The following P2RX6 variants were observed in gnomAD, a reference collection of about 807,000 sequenced individuals.
P2RX6 encodes the protein P2X purinoceptor 6.
A neutral mutation model predicts 54.2 loss-of-function variants in P2RX6; 62 were observed. That is an observed-to-expected ratio of 1.14 (90% CI 0.93 to 1.41). The LOEUF (loss-of-function observed/expected upper bound fraction) is 1.41, where lower values mean the gene tolerates loss of function less well. P2RX6 is among the 40% of genes most tolerant of loss of function. The pLI, the probability that P2RX6 is intolerant of heterozygous loss-of-function variation, is 0.00. For missense variants in P2RX6, 541 were observed against 566.3 expected (o/e 0.96, Z 0.45); for synonymous variants, 211 against 231.9 (o/e 0.91, Z 0.82).
At chr22:21,022,634 C>T (rs1234559430) in intron 3 of P2RX6, 42 bp from the exon 4 acceptor site, 46 of 1,391,750 alleles carry the variant, frequency 3.3e-5, no homozygotes, top group Non-Finnish European at 4.4e-5. Flanking sequence ...GGAGGGGAGA[C>T]ATCCCCTGTG....
At position 21,015,276 on chromosome 22, in the gene P2RX6, G is replaced by A. The variant is rs1452343774; in HGVS notation, c.102G>A (p.Arg34=). The part of the protein sequence containing the change: ...DYKTEKYVMT[R]NWRVGALQRL... ...AGACGGAGAAGTATGTGATGACCAG[G>A]AACTGGCGGGTGGGCGCCCTGCAGA... The change falls in exon 1 of 12, where the codon AGG becomes AGA. Residue 34 remains arginine (R), a synonymous_variant. Transcript: ENST00000413302. 6.4e-7 allele frequency: 1 copy of A among 1,554,212 alleles called. No homozygotes were observed. Among genetic ancestry groups the A allele is most frequent in the Non-Finnish European group, 8.6e-7 (1 of 1,158,316 alleles).
chr22:21,023,129 T>C lies in P2RX6; in HGVS notation c.569T>C (p.Leu190Pro), dbSNP rs1927740316. 5 of 1,613,916 alleles carry C rather than the reference T, an allele frequency of 3.1e-6. No homozygotes were observed. Among genetic ancestry groups the C allele is most frequent in the South Asian group, 1.1e-5 (1 of 91,086 alleles). The stretch of plus-strand genomic sequence containing the variant: ...CCTTCCACCTGCAGGAGGCCCCTGC[T>C]GGCCCAGGCCCAGAACTTCACACTG... ...ESGVVPSRPLLAQAQNFTLFI... is the reference protein window; with the variant it reads ...ESGVVPSRPLPAQAQNFTLFI... Residue 190 changes from leucine to proline, a missense_variant, in exon 6 of 12, where the codon CTG (leucine) becomes CCG (proline). Around this residue, in one of 2 missense-constraint regions of P2RX6, gnomAD observed 526 missense variants for 531.5 expected, o/e 0.99. Transcript: ENST00000413302.
At chr22:21,018,364 TCCC>T in intron 3 of P2RX6, 4 of 399,672 alleles carry the variant, frequency 1.0e-5, no homozygotes, top group South Asian at 4.3e-5. Flanking sequence ...CAGCAGCAGT[TCCC>T]ATGAGGTGTC....
chr22:21,023,272 C>A lies in P2RX6; in HGVS notation c.639-3C>A. ...CTCATCTGACCTTTCCCACTCCTCC[C>A]AGGTCCAATGCCTTGGAGACCTGGG... On this transcript the variant is annotated splice_polypyrimidine_tract_variant and splice_region_variant and intron_variant, in intron 6 of 11. Coordinates refer to ENST00000413302, the MANE Select transcript of P2RX6 (RefSeq NM_005446.5). The A allele has an allele frequency of 6.2e-7, 1 of 1,614,010 alleles. No homozygotes were observed. The highest frequency in any genetic ancestry group is 8.5e-7 in the Non-Finnish European group (1 of 1,179,882).
At position 21,022,998 on chromosome 22, in the gene P2RX6, T is replaced by C; in HGVS notation, c.520T>C (p.Trp174Arg). Reference sequence around the variant, plus strand: ...TGGGACCCACAGGACCTGTGAGATCTGGAGTTGGTGCCCCGTGGAGAGTGG... The same window carrying C: ...TGGGACCCACAGGACCTGTGAGATCCGGAGTTGGTGCCCCGTGGAGAGTGG... ...FNGTHRTCEI[W>R]SWCPVESGVV... Residue 174 changes from tryptophan to arginine, a missense_variant, in exon 5 of 12, where the codon TGG (tryptophan) becomes CGG (arginine). Transcript: ENST00000413302. 1 of 1,613,612 alleles carries C rather than the reference T, an allele frequency of 6.2e-7. No individual in the cohort carries two copies. The highest frequency in any genetic ancestry group is 2.2e-5 in the East Asian group (1 of 44,854).
At chr22:21,014,521 C>T (rs1926013477), upstream of P2RX6, among the ~76,000 whole-genome samples, 3 of 152,168 alleles carry the variant, frequency 2.0e-5, no homozygotes, top group African/African-American at 7.2e-5. Flanking sequence ...GGCATCCTCC[C>T]TGCCTTCCTA....
At chr22:21,021,247 G>T (rs1024659467) in intron 3 of P2RX6, among the ~76,000 whole-genome samples, 1 of 152,194 alleles carries the variant, frequency 6.6e-6, no homozygotes, top group African/African-American at 2.4e-5. Context: ...AAAGTGCTAG[G>T]ATTACAGGCG....
At chr22:21,014,870 C>G (rs532516543), upstream of P2RX6, among the ~76,000 whole-genome samples, 26 of 152,286 alleles carry the variant, frequency 1.7e-4, no homozygotes, top group Admixed American at 1.6e-3. Context: ...AGGCCCTCCT[C>G]TCACAGCACT....
upstream of P2RX6, among the ~76,000 whole-genome samples, chr22:21,013,416 C>T (rs1925880973): frequency 6.6e-6 from 1 of 152,210 alleles, no homozygotes; most frequent in Admixed American, 6.5e-5. Flanking sequence ...ACCTGGGCAA[C>T]ATAGCGAGAT....
chr22:21,017,257 C>T (rs1926556381), intron 2 of P2RX6, among the ~76,000 whole-genome samples: 3 of 152,218 alleles, frequency 2.0e-5, no homozygotes, highest in Non-Finnish European at 2.9e-5. Flanking sequence ...ACACTTTCCT[C>T]CCAATCCTAA....
chr22:21,025,334 C>T (rs1190035911), intron 8 of P2RX6, among the ~76,000 whole-genome samples: 1 of 146,846 alleles, frequency 6.8e-6, no homozygotes, highest in East Asian at 1.9e-4. Flanking sequence ...CTCACTGCAC[C>T]CCGTCTGATC....
upstream of P2RX6, chr22:21,012,761 G>A (rs1372484636): frequency 1.0e-5 from 3 of 287,978 alleles, no homozygotes; most frequent in Non-Finnish European, 2.0e-5. Flanking sequence ...CTTTCCACCT[G>A]CTTAAGGGAC....
Position 21,025,903 on chromosome 22 carries a change from G to C in P2RX6, c.984+5G>C. On this transcript the variant is annotated splice_donor_5th_base_variant and intron_variant, in intron 9 of 11. Transcript: ENST00000413302. ...GACATCCTCGTCACCGGGCAGGTAG[G>C]CACAGGTAGGGGTCAGGCCGGGGAT... 6 of 1,579,464 alleles carry C rather than the reference G, an allele frequency of 3.8e-6. No individual in the cohort carries two copies. The highest frequency in any genetic ancestry group is 5.2e-6 in the Non-Finnish European group (6 of 1,163,036).
Position 21,015,957 on chromosome 22 carries a change from C to CA in P2RX6, c.186dup (p.Gly63ArgfsTer75), listed in dbSNP as rs759868874. 2.1e-5 allele frequency: 32 copies of CA among 1,549,404 alleles called. No homozygotes were observed. The highest frequency in any genetic ancestry group is 2.8e-5 in the Non-Finnish European group (32 of 1,146,814). ...TCCTCCCCAGGTGGGCTCTCCTCGC[C>CA]AAAAAAGGCTACCAGGAGCGGGACC... On this transcript the variant is annotated frameshift_variant, in exon 2 of 12. Coordinates refer to ENST00000413302, the MANE Select transcript of P2RX6 (RefSeq NM_005446.5). LOFTEE classifies it high-confidence loss of function.
At chr22:21,022,897 G>C (rs1414076077) in intron 4 of P2RX6, 45 bp from the exon 5 acceptor site, 2 of 1,566,580 alleles carry the variant, frequency 1.3e-6, no homozygotes, top group Non-Finnish European at 1.8e-6. Flanking sequence ...GCCTCCCCAG[G>C]CCTGCAGAGA....
intron 2 of P2RX6, among the ~76,000 whole-genome samples, chr22:21,016,401 A>G (rs1472811950): frequency 6.6e-6 from 1 of 152,078 alleles, no homozygotes; most frequent in Non-Finnish European, 1.5e-5. Flanking sequence ...TATCCTGGCT[A>G]ACACGGTGAA....
Position 21,022,737 on chromosome 22 carries a change from G to A in P2RX6, c.449G>A (p.Gly150Asp), listed in dbSNP as rs371646247. ...GAGGACTGCCCCGAAGGGGAGGGAG[G>A]CACACACAGCCACGGTAACTGTGGG... ...VDEDCPEGEG[G>D]THSHGVKTGQ... The change falls in exon 4 of 12, where the codon GGC (glycine) becomes GAC (aspartate). Residue 150 changes from glycine to aspartate, a missense_variant. By Grantham distance (94) the Gly-to-Asp change is moderately conservative (BLOSUM62 -1). Coordinates refer to ENST00000413302, the MANE Select transcript of P2RX6 (RefSeq NM_005446.5). The A allele has an allele frequency of 4.6e-5, 73 of 1,574,570 alleles. 1 individual carries two copies. Among genetic ancestry groups the A allele is most frequent in the Non-Finnish European group, 6.1e-5 (71 of 1,161,902 alleles).
intron 8 of P2RX6, among the ~76,000 whole-genome samples, chr22:21,023,922 G>A (rs1293357949): frequency 3.3e-5 from 5 of 150,280 alleles, no homozygotes; most frequent in African/African-American, 9.8e-5. Flanking sequence ...GCAATGGGGT[G>A]TTTCATTTTT....
At chr22:21,023,730 C>G (rs1274707333) in intron 8 of P2RX6, 112 bp downstream of exon 8, 1 of 741,736 alleles carries the variant, frequency 1.3e-6, no homozygotes, top group Non-Finnish European at 2.3e-6. Context: ...ACTACGTGTG[C>G]AAGGGGGTCC....
Sources: allele counts gnomAD v4.1 joint callset (sites outside exome capture counted in the v4.1 genomes callset), GRCh38; gene constraint gnomAD v4.1.1; regional missense constraint gnomAD v4.1.1; transcripts MANE v1.5; gene names NCBI Gene and HGNC (gene_info 2026-07-23, HGNC 2026-07-21).